RTCB: variants seen among roughly 807,000 people sequenced by gnomAD.
RTCB encodes RNA-splicing ligase RTCB.
In RTCB, 32 loss-of-function variants were observed where a neutral mutation model predicts 58.2. That is an observed-to-expected ratio of 0.55 (90% CI 0.41 to 0.74). The LOEUF is 0.74. Among genes scored for constraint, RTCB ranks in the 30% least tolerant of loss-of-function variants. RTCB has a pLI of 0.00. For missense variants in RTCB, 523 were observed against 639.0 expected (o/e 0.82, Z 1.96); for synonymous variants, 247 against 218.6 (o/e 1.13, Z -1.15).
chr22:32,399,316 T>G (rs1411247915), intron 6 of RTCB, among the ~76,000 whole-genome samples: 1 of 151,840 alleles, frequency 6.6e-6, no homozygotes, highest in Non-Finnish European at 1.5e-5. Flanking sequence ...TTTTTTTTTT[T>G]TAATTTTTGT....
At chr22:32,397,185 G>T (rs897151800) in intron 7 of RTCB, among the ~76,000 whole-genome samples, 1 of 152,018 alleles carries the variant, frequency 6.6e-6, no homozygotes, top group African/African-American at 2.4e-5. Flanking sequence ...TCATTTCTGC[G>T]TTCATCCCGC....
At chr22:32,388,203 A>G (rs1438641046) in intron 11 of RTCB, 104 bp from the exon 12 acceptor site, 1 of 675,296 alleles carries the variant, frequency 1.5e-6, no homozygotes, top group Non-Finnish European at 2.5e-6. Flanking sequence ...AAAATAATAC[A>G]GAGAGTTTTT....
rs560580867 is a variant in RTCB, at chr22:32,392,291, T to C, written c.1359A>G (p.Ala453=). 8.7e-6 allele frequency: 14 copies of C among 1,614,130 alleles called. No homozygotes were observed. The East Asian group carries it at 2.9e-4, about 33-fold the overall frequency. ...CAACACGGATCGCAATTCCCATATC[T>C]GCCAATTTGTCTAAGACATCCTGGA... ...LDFQDVLDKL[A]DMGIAIRVAS... is the part of the protein sequence containing the mutation. Residue 453 remains alanine (A), a synonymous_variant, in exon 11 of 12, where the codon GCA becomes GCG. Transcript: ENST00000216038.
Position 32,399,772 on chromosome 22 carries a change from A to G in RTCB, c.498-13T>C. 5 of 1,609,656 alleles carry G rather than the reference A, an allele frequency of 3.1e-6. No individual in the cohort carries two copies. The highest frequency in any genetic ancestry group is 4.2e-6 in the Non-Finnish European group (5 of 1,177,684). On this transcript the variant is annotated splice_polypyrimidine_tract_variant and intron_variant, in intron 5 of 11. Transcript: ENST00000216038. ...CTCCTCCAAGTCTCTGGATAAGTAT[A>G]AAAGGTGCTAGTCATCTCACAGCAA...
intron 7 of RTCB, among the ~76,000 whole-genome samples, chr22:32,396,945 C>T (rs1400333159): frequency 6.6e-6 from 1 of 152,156 alleles, no homozygotes; most frequent in Non-Finnish European, 1.5e-5. Flanking sequence ...GCGTCTGTTG[C>T]CCAGAAGGAA....
At chr22:32,390,772 A>G (rs1933142504) in intron 11 of RTCB, among the ~76,000 whole-genome samples, 1 of 152,212 alleles carries the variant, frequency 6.6e-6, no homozygotes, top group Non-Finnish European at 1.5e-5. Context: ...CTTTTAAATT[A>G]ACCATGTATT....
At chr22:32,388,145 A>G (rs780967058) in intron 11 of RTCB, 46 bp from the exon 12 acceptor site, 2 of 1,154,404 alleles carry the variant, frequency 1.7e-6, no homozygotes. Flanking sequence ...CTGAAAACAC[A>G]GTCTTTACAA....
At chr22:32,397,900 G>A (rs766585986) in intron 7 of RTCB, 41 bp downstream of exon 7, 1 of 1,556,832 alleles carries the variant, frequency 6.4e-7, no homozygotes, top group Non-Finnish European at 8.7e-7. Context: ...CTATCTGGTT[G>A]CCCATAAAAT....
chr22:32,401,324 G>A (rs953416895), intron 5 of RTCB, among the ~76,000 whole-genome samples: 1 of 151,692 alleles, frequency 6.6e-6, no homozygotes, highest in African/African-American at 2.4e-5. Flanking sequence ...CTGGACTCAA[G>A]TGATCCTCCT....
At position 32,392,281 on chromosome 22, in the gene RTCB, T is replaced by C; in HGVS notation, c.1369A>G (p.Ile457Val). The C allele has an allele frequency of 6.2e-7, 1 of 1,614,076 alleles. No individual in the cohort carries two copies. Among genetic ancestry groups the C allele is most frequent in the Non-Finnish European group, 8.5e-7 (1 of 1,180,008 alleles). Residue 457 changes from isoleucine to valine, a missense_variant, in exon 11 of 12, where the codon ATT (isoleucine) becomes GTT (valine). This residue lies in a region of RTCB where 248 missense variants were observed against 292.5 expected (regional missense o/e 0.85). Coordinates refer to ENST00000216038, the MANE Select transcript of RTCB (RefSeq NM_014306.5). ...TTGGGTGAGGCAACACGGATCGCAA[T>C]TCCCATATCTGCCAATTTGTCTAAG... The part of the protein sequence containing the change: ...DVLDKLADMG[I>V]AIRVASPKLV...
chr22:32,392,379 AACTTT>A lies in RTCB; in HGVS notation c.1291-25_1291-21del, dbSNP rs765962569. Reference sequence around the variant, plus strand: ...ACGGCCCTAGAATGGGAAAGGAATGAACTTTACTTTAAACCCTAAGATGATAAGCC... The same window carrying A: ...ACGGCCCTAGAATGGGAAAGGAATGAACTTTAAACCCTAAGATGATAAGCC... On this transcript the variant is annotated intron_variant, in intron 10 of 11. Transcript: ENST00000216038. 4.3e-6 allele frequency: 7 copies of A among 1,613,328 alleles called. No individual in the cohort carries two copies. Among genetic ancestry groups the A allele is most frequent in the South Asian group, 2.2e-5 (2 of 91,022 alleles).
intron 11 of RTCB, among the ~76,000 whole-genome samples, chr22:32,390,520 C>T (rs952013282): frequency 1.3e-5 from 2 of 151,838 alleles, no homozygotes; most frequent in Non-Finnish European, 2.9e-5. Context: ...GCGATCTCGG[C>T]TCACTGCAAG....
chr22:32,402,806 AGT>A, intron 4 of RTCB, among the ~76,000 whole-genome samples: 1 of 152,234 alleles, frequency 6.6e-6, no homozygotes, highest in South Asian at 2.1e-4. Context: ...AGTGCAGTGG[AGT>A]AATCATAGCT....
At chr22:32,397,131 A>C (rs903624923) in intron 7 of RTCB, among the ~76,000 whole-genome samples, 13 of 150,060 alleles carry the variant, frequency 8.7e-5, no homozygotes, top group Non-Finnish European at 1.5e-5. Flanking sequence ...TAGAAGCAAG[A>C]AGCCCCTGAC....
intron 11 of RTCB, among the ~76,000 whole-genome samples, chr22:32,389,749 CATT>C (rs1933120720): frequency 6.6e-6 from 1 of 152,216 alleles, no homozygotes; most frequent in Admixed American, 6.5e-5. Context: ...TTTTCTGCAT[CATT>C]AATTTCTCTT....
In RTCB at chr22:32,401,972, A is replaced by G. The variant is rs7289526; in HGVS notation, c.341-69T>C. The stretch of plus-strand genomic sequence containing the variant: ...TGTTACCTGCAGTTTCTCGCCATTA[A>G]TATGGAACTATAAAGATACCCATTC... On this transcript the variant is annotated intron_variant, in intron 4 of 11. Coordinates refer to ENST00000216038, the MANE Select transcript of RTCB (RefSeq NM_014306.5). 10,972 of 1,458,370 alleles carry G rather than the reference A, an allele frequency of 7.5e-3. 553 individuals carry two copies. The African/African-American group carries it at 0.12, about 16-fold the overall frequency. The allele number at this position is 1,458,370 out of a possible 1,614,324, so 90.3% of individuals were successfully genotyped here.
intron 8 of RTCB, 62 bp downstream of exon 8, chr22:32,396,012 T>C: frequency 6.4e-7 from 1 of 1,554,114 alleles, no homozygotes; most frequent in East Asian, 2.2e-5. Flanking sequence ...GACTGCACTA[T>C]GTTTTAAAGC....
intron 1 of RTCB, among the ~76,000 whole-genome samples, chr22:32,409,638 A>G (rs1300408666): frequency 2.6e-5 from 4 of 152,190 alleles, no homozygotes; most frequent in Non-Finnish European, 5.9e-5. Flanking sequence ...ATAACAATTT[A>G]ATACCCACTG....
rs950218544 is a variant in RTCB at position 32,412,160 on chromosome 22, G to A, written c.-4C>T. 6.3e-7 allele frequency: 1 copy of A among 1,587,494 alleles called. No homozygotes were observed. Among genetic ancestry groups the A allele is most frequent in the Non-Finnish European group, 8.6e-7 (1 of 1,168,846 alleles). On this transcript the variant is annotated 5_prime_UTR_variant, in exon 1 of 12. Transcript: ENST00000216038. ...CATCATTATAGCTGCGACTCATGGT[G>A]GCGAAAACTGTAGCAAAAACTCCCG...
Sources: allele counts gnomAD v4.1 joint callset (sites outside exome capture counted in the v4.1 genomes callset), GRCh38; gene constraint gnomAD v4.1.1; regional missense constraint gnomAD v4.1.1; transcripts MANE v1.5; gene names NCBI Gene and HGNC (gene_info 2026-07-23, HGNC 2026-07-21).